The following BCAR3 variants were observed in gnomAD, a reference collection of about 807,000 sequenced individuals.
The protein encoded by BCAR3 is breast cancer anti-estrogen resistance protein 3.
A neutral mutation model predicts 80.1 loss-of-function variants in BCAR3; 37 were observed. The observed-to-expected ratio is 0.46, with a 90% CI of 0.36 to 0.61. The LOEUF is 0.61. Ranked by LOEUF, BCAR3 falls within the 20% of genes least tolerant of loss-of-function variation. BCAR3 has a pLI of 0.00. For missense variants in BCAR3, 978 were observed against 1,068.2 expected (o/e 0.92, Z 1.18); for synonymous variants, 389 against 418.9 (o/e 0.93, Z 0.87).
chr1:93,846,738 G>C, intron 1 of BCAR3: 1 of 383,752 alleles, frequency 2.6e-6, no homozygotes, highest in Non-Finnish European at 5.2e-6. Context: ...ACGCAGTCGC[G>C]GGCCCCGGGC....
intron 8 of BCAR3, among the ~76,000 whole-genome samples, chr1:93,573,639 T>TATTATTATTATTATTATTATTA (rs373537051): frequency 2.2e-5 from 3 of 139,058 alleles, no homozygotes; most frequent in African/African-American, 8.0e-5. Context: ...TATTATTTTT[T>TATTATTATTATTATTATTATTA]TTTTTTTGAG....
chr1:93,562,359 A>G lies in BCAR3; in HGVS notation c.2360T>C (p.Leu787Pro). 1.9e-6 allele frequency: 3 copies of G among 1,614,160 alleles called. No individual in the cohort carries two copies. Among genetic ancestry groups the G allele is most frequent in the Non-Finnish European group, 2.5e-6 (3 of 1,180,016 alleles). Residue 787 changes from leucine (L) to proline (P), a missense_variant, in exon 12 of 12, where the codon CTA (leucine) becomes CCA (proline). Physicochemically the swap from Leu to Pro is moderately conservative, Grantham distance 98. Coordinates refer to ENST00000260502, the MANE Select transcript of BCAR3 (RefSeq NM_003567.4). Reference protein sequence around the residue: ...ICKTEFQMRLLWGSKGAQVNQ... With the variant: ...ICKTEFQMRLPWGSKGAQVNQ... ...GACTTGTGCACCTTTGCTGCCCCAT[A>G]GCAATCGCATTTGAAATTCAGTCTT... is the stretch of plus-strand genomic sequence containing the variant.
At chr1:93,847,944 C>T (rs888411440), upstream of BCAR3, 2 of 240,486 alleles carry the variant, frequency 8.3e-6, no homozygotes, top group Non-Finnish European at 8.1e-6. Flanking sequence ...GACACTGAAG[C>T]GAAGGCTCGC....
At chr1:93,647,150 T>C (rs1676169712) in intron 2 of BCAR3, among the ~76,000 whole-genome samples, 1 of 152,086 alleles carries the variant, frequency 6.6e-6, no homozygotes, top group South Asian at 2.1e-4. Context: ...AAATAAGAGA[T>C]GAAAAGAAAG....
intron 2 of BCAR3, among the ~76,000 whole-genome samples, chr1:93,738,045 G>A (rs931332609): frequency 3.3e-5 from 5 of 152,050 alleles, no homozygotes; most frequent in Non-Finnish European, 5.9e-5. Flanking sequence ...TGCTGCCTTG[G>A]CTGATCTTGA....
intron 2 of BCAR3, among the ~76,000 whole-genome samples, chr1:93,746,645 C>T (rs558598964): frequency 6.6e-6 from 1 of 152,310 alleles, no homozygotes; most frequent in South Asian, 2.1e-4. Context: ...GGCTCAAAAA[C>T]CCAACTCCAC....
At chr1:93,711,382 G>A (rs1024358384) in intron 2 of BCAR3, among the ~76,000 whole-genome samples, 3 of 152,204 alleles carry the variant, frequency 2.0e-5, no homozygotes, top group Non-Finnish European at 2.9e-5. Flanking sequence ...GAAAGTGAAA[G>A]GGCCATGTGT....
chr1:93,637,264 G>A (rs1675815832), intron 3 of BCAR3, among the ~76,000 whole-genome samples: 1 of 151,946 alleles, frequency 6.6e-6, no homozygotes, highest in African/African-American at 2.4e-5. Context: ...CCGCCCCCCA[G>A]GTTCAAGCGA....
At chr1:93,811,624 G>T (rs1653848652) in intron 2 of BCAR3, among the ~76,000 whole-genome samples, 1 of 152,210 alleles carries the variant, frequency 6.6e-6, no homozygotes, top group Non-Finnish European at 1.5e-5. Flanking sequence ...TCTTTGGAAA[G>T]AACTGTTGTT....
At chr1:93,664,007 C>T (rs943222647) in intron 2 of BCAR3, among the ~76,000 whole-genome samples, 4 of 152,232 alleles carry the variant, frequency 2.6e-5, no homozygotes, top group Admixed American at 2.6e-4. Context: ...CTTTTTCTTA[C>T]AGTCTAGGGT....
At chr1:93,672,941 A>G (rs1571031043) in intron 2 of BCAR3, among the ~76,000 whole-genome samples, 1 of 152,062 alleles carries the variant, frequency 6.6e-6, no homozygotes, top group Admixed American at 6.6e-5. Flanking sequence ...AATGTGCTAC[A>G]CTCCAGCCAC....
intron 3 of BCAR3, among the ~76,000 whole-genome samples, chr1:93,635,247 T>C (rs918789671): frequency 6.6e-6 from 1 of 152,106 alleles, no homozygotes; most frequent in East Asian, 1.9e-4. Context: ...TAAAAGTCCA[T>C]TCCTCTTTAA....
In BCAR3 at chr1:93,797,607, A is replaced by G. The variant is rs144683298; in HGVS notation, c.-63+47960T>C. ...TCTTAGGTTAAGCAAAACCAGTGGA[A>G]GAGCCTGGGGCCAAGTAATAGGAAA... On this transcript the variant is annotated intron_variant, in intron 2 of 13. Coordinates refer to the BCAR3 transcript ENST00000370244. Among the ~76,000 whole-genome samples, 32 of 152,254 alleles carry G rather than the reference A, an allele frequency of 2.1e-4. 2 individuals carry two copies. In the East Asian group the frequency reaches 5.4e-3, roughly 26 times the overall value.
rs970173500 is a variant in BCAR3 at position 93,591,913 on chromosome 1, T to A, written c.486+352A>T. Among the ~76,000 whole-genome samples, 13 of 152,324 alleles carry A rather than the reference T, an allele frequency of 8.5e-5. 1 individual carries two copies. The highest frequency in any genetic ancestry group is 5.9e-4 in the Admixed American group (9 of 15,310). On this transcript the variant is annotated intron_variant, in intron 4 of 11. Coordinates refer to ENST00000260502, the MANE Select transcript of BCAR3 (RefSeq NM_003567.4). ...GGAGGGGCTGCAAATGGTCTGAGGCTGCTGGCAGCTGGCCAAGAGTTCAAT... is the reference window on the plus strand; with the variant it reads ...GGAGGGGCTGCAAATGGTCTGAGGCAGCTGGCAGCTGGCCAAGAGTTCAAT...
At chr1:93,810,656 G>A (rs1272364044) in intron 2 of BCAR3, among the ~76,000 whole-genome samples, 1 of 152,134 alleles carries the variant, frequency 6.6e-6, no homozygotes, top group African/African-American at 2.4e-5. Context: ...GACACCAGGC[G>A]AACTAAGGTG....
chr1:93,807,457 A>G (rs1192226935), intron 2 of BCAR3, among the ~76,000 whole-genome samples: 1 of 152,224 alleles, frequency 6.6e-6, no homozygotes. Flanking sequence ...ATGAATGAGC[A>G]CAAAGAACAA....
chr1:93,829,250 T>C (rs1654476893), intron 2 of BCAR3, among the ~76,000 whole-genome samples: 1 of 152,082 alleles, frequency 6.6e-6, no homozygotes, highest in South Asian at 2.1e-4. Context: ...TCTCCTACCC[T>C]AGTCTTTTAT....
chr1:93,676,159 G>A (rs528884544), intron 1 of BCAR3, among the ~76,000 whole-genome samples: 82 of 152,218 alleles, frequency 5.4e-4, no homozygotes, highest in African/African-American at 1.9e-3. Flanking sequence ...TCAGGGAAGA[G>A]CTTTGCATGA....
At chr1:93,585,307 A>G (rs7511890) in intron 5 of BCAR3, 128,404 of 662,556 alleles carry the variant, frequency 0.19, 13,938 homozygotes, top group African/African-American at 0.31. Context: ...GCAGGCCATG[A>G]GCCATCTTTT....
Sources: allele counts gnomAD v4.1 joint callset (sites outside exome capture counted in the v4.1 genomes callset), GRCh38; gene constraint gnomAD v4.1.1; transcripts MANE v1.5; gene names NCBI Gene and HGNC (gene_info 2026-07-23, HGNC 2026-07-21).